The following R3HCC1L variants were observed in gnomAD, a reference collection of about 807,000 sequenced individuals.
R3HCC1L encodes coiled-coil domain-containing protein R3HCC1L.
R3HCC1L carries 51 observed loss-of-function variants against 59.9 expected under a neutral mutation model. That is an observed-to-expected ratio of 0.85 (90% confidence interval 0.68 to 1.07). R3HCC1L has a LOEUF of 1.07. Ranked by LOEUF, R3HCC1L falls within the 50% of genes least tolerant of loss-of-function variation. The pLI is 0.00. For synonymous variants in R3HCC1L, 322 were observed against 315.2 expected (o/e 1.02, Z -0.23); for missense variants, 965 against 933.0 (o/e 1.03, Z -0.45).
intron 4 of R3HCC1L, among the ~76,000 whole-genome samples, chr10:98,187,625 T>G (rs1850351712): frequency 1.3e-5 from 2 of 152,072 alleles, no homozygotes; most frequent in Middle Eastern, 3.4e-3. Flanking sequence ...GCACATAAGG[T>G]CTCTTTCTAT....
intron 4 of R3HCC1L, among the ~76,000 whole-genome samples, 181 bp from the exon 5 acceptor site, chr10:98,207,920 A>G (rs1680126255): frequency 6.6e-6 from 1 of 152,162 alleles, no homozygotes; most frequent in Non-Finnish European, 1.5e-5. Flanking sequence ...GCTACTCAGG[A>G]GGCAGAGGTG....
chr10:98,168,128 G>GT (rs1224439066), intron 4 of R3HCC1L, among the ~76,000 whole-genome samples: 7 of 152,120 alleles, frequency 4.6e-5, no homozygotes, highest in South Asian at 2.1e-4. Flanking sequence ...TTAAGAGGGA[G>GT]TTTTTTTCTT....
intron 4 of R3HCC1L, among the ~76,000 whole-genome samples, chr10:98,206,688 GT>G (rs1357492678): frequency 6.6e-6 from 1 of 152,052 alleles, no homozygotes; most frequent in Non-Finnish European, 1.5e-5. Flanking sequence ...ATATCCAGAA[GT>G]TCATTATGAT....
chr10:98,195,849 G>A (rs1405991091), intron 4 of R3HCC1L, among the ~76,000 whole-genome samples: 1 of 152,128 alleles, frequency 6.6e-6, no homozygotes, highest in Non-Finnish European at 1.5e-5. Context: ...CATAAAGTCA[G>A]CCAGTATTCC....
intron 5 of R3HCC1L, among the ~76,000 whole-genome samples, chr10:98,226,821 A>T (rs186578255): frequency 6.6e-6 from 1 of 152,320 alleles, no homozygotes; most frequent in South Asian, 2.1e-4. Context: ...AGTTTAACTG[A>T]TATCTTCTTG....
intron 4 of R3HCC1L, among the ~76,000 whole-genome samples, chr10:98,177,093 CAT>C (rs1432809520): frequency 6.6e-6 from 1 of 152,014 alleles, no homozygotes; most frequent in Admixed American, 6.6e-5. Context: ...AGGTTTGTTA[CAT>C]ATGTATACAT....
At chr10:98,230,159 T>C (rs367617526) in intron 5 of R3HCC1L, among the ~76,000 whole-genome samples, 2 of 152,246 alleles carry the variant, frequency 1.3e-5, no homozygotes, top group East Asian at 1.9e-4. Context: ...AGGAATGGTA[T>C]CAGCTCCTCC....
intron 4 of R3HCC1L, among the ~76,000 whole-genome samples, chr10:98,198,194 A>T (rs1214364027): frequency 6.7e-6 from 1 of 150,150 alleles, no homozygotes; most frequent in Non-Finnish European, 1.5e-5. Flanking sequence ...AGAGCAGTGA[A>T]TTTTTTTTTT....
At chr10:98,229,175 C>T (rs889759992) in intron 5 of R3HCC1L, among the ~76,000 whole-genome samples, 64 of 152,066 alleles carry the variant, frequency 4.2e-4, no homozygotes, top group Non-Finnish European at 6.9e-4. Context: ...TTACCTTGGG[C>T]AGTATGGCCA....
intron 4 of R3HCC1L, among the ~76,000 whole-genome samples, chr10:98,191,986 G>A (rs1850908966): frequency 2.0e-5 from 3 of 151,960 alleles, no homozygotes; most frequent in African/African-American, 2.4e-5. Context: ...CACCACGCCT[G>A]GCTAATTTTT....
intron 5 of R3HCC1L, among the ~76,000 whole-genome samples, chr10:98,216,130 A>G (rs1462911185): frequency 1.3e-5 from 2 of 152,182 alleles, no homozygotes; most frequent in African/African-American, 4.8e-5. Flanking sequence ...ATGATTAACC[A>G]GGGCAGTTGA....
At chr10:98,169,945 C>G (rs923830793) in intron 4 of R3HCC1L, among the ~76,000 whole-genome samples, 3 of 28,908 alleles carry the variant, frequency 1.0e-4, no homozygotes, top group Non-Finnish European at 2.2e-4. Flanking sequence ...AAGTTTTTTT[C>G]TTGTGCCAAG....
chr10:98,197,039 C>G (rs1328114206), intron 4 of R3HCC1L, among the ~76,000 whole-genome samples: 1 of 152,060 alleles, frequency 6.6e-6, no homozygotes, highest in African/African-American at 2.4e-5. Flanking sequence ...ACTTCAGCCT[C>G]CCAGGTTCAA....
intron 4 of R3HCC1L, among the ~76,000 whole-genome samples, chr10:98,169,198 G>A (rs1486318015): frequency 6.6e-6 from 1 of 152,034 alleles, no homozygotes; most frequent in Non-Finnish European, 1.5e-5. Context: ...TGGTTGTTTT[G>A]CAGTTACATG....
intron 1 of R3HCC1L, among the ~76,000 whole-genome samples, chr10:98,142,846 A>G (rs550926880): frequency 1.3e-5 from 2 of 152,160 alleles, no homozygotes; most frequent in Non-Finnish European, 2.9e-5. Flanking sequence ...GAGGCAGGAG[A>G]ATCGTTTGAA....
At chr10:98,239,249 A>T (rs1171958088) in intron 9 of R3HCC1L, among the ~76,000 whole-genome samples, 1 of 152,236 alleles carries the variant, frequency 6.6e-6, no homozygotes, top group Non-Finnish European at 1.5e-5. Context: ...ATGAGCTTGT[A>T]ATGACAAATA....
chr10:98,202,272 T>G (rs1852136064), intron 4 of R3HCC1L, among the ~76,000 whole-genome samples: 1 of 152,126 alleles, frequency 6.6e-6, no homozygotes, highest in African/African-American at 2.4e-5. Flanking sequence ...CTGGTTTTGA[T>G]GAGGAAGCAG....
At chr10:98,153,609 TAAAAAAAAA>T (rs1160637755) in intron 1 of R3HCC1L, among the ~76,000 whole-genome samples, 2 of 81,014 alleles carry the variant, frequency 2.5e-5, no homozygotes, top group African/African-American at 8.7e-5. Flanking sequence ...AATGATCAAT[TAAAAAAAAA>T]AAAAAAAAAA....
intron 1 of R3HCC1L, among the ~76,000 whole-genome samples, chr10:98,154,464 A>G (rs893496138): frequency 6.6e-6 from 1 of 152,124 alleles, no homozygotes; most frequent in African/African-American, 2.4e-5. Flanking sequence ...GTCACATGAG[A>G]TCAGGTTTGG....
Sources: gnomAD v4.1 joint callset for allele counts (sites outside exome capture counted in the v4.1 genomes callset) on GRCh38, gnomAD v4.1.1 for gene constraint, MANE v1.5 for transcripts, NCBI Gene and HGNC (gene_info 2026-07-23, HGNC 2026-07-21) for gene names.